ZNF444: variants seen among roughly 807,000 people sequenced by gnomAD.
ZNF444 encodes endothelial zinc finger protein 2.
ZNF444 carries 8 observed loss-of-function variants against 14.4 expected under a neutral mutation model. The observed-to-expected ratio is 0.56, with a 90% confidence interval of 0.33 to 1.00. The LOEUF is 1.00. Ranked by LOEUF, ZNF444 falls within the 50% of genes least tolerant of loss-of-function variation. The pLI, the probability that ZNF444 is intolerant of heterozygous loss-of-function variation, is 0.03. For missense variants in ZNF444, 510 were observed against 504.8 expected (o/e 1.01, Z -0.10); for synonymous variants, 258 against 235.9 (o/e 1.09, Z -0.86).
upstream of ZNF444, among the ~76,000 whole-genome samples, chr19:56,140,110 T>C (rs1451804669): frequency 6.6e-6 from 1 of 152,130 alleles, no homozygotes; most frequent in African/African-American, 2.4e-5. Context: ...CTGGGGAAAG[T>C]TGTTCATTTA....
rs200325891 is a variant in ZNF444 at position 56,157,410 on chromosome 19, CTT to C, written c.298-1075_298-1074del. The C allele has an allele frequency of 6.4e-3, 953 of 148,016 alleles. 11 individuals carry two copies. The highest frequency in any genetic ancestry group is 0.022 in the African/African-American group (899 of 40,532). 9.2% of individuals were successfully genotyped at this position (148,016 alleles called of 1,614,324 possible). On this transcript the variant is annotated intron_variant, in intron 3 of 4. Transcript: ENST00000337080. ...CAGGTGGTTTGCCCCTGCCGCTTTG[CTT>C]TTTTTTTTGGAGACAGAGTCTCACT...
chr19:56,148,493 G>A (rs1464673971), intron 3 of ZNF444, among the ~76,000 whole-genome samples: 1 of 152,156 alleles, frequency 6.6e-6, no homozygotes, highest in African/African-American at 2.4e-5. Context: ...CAGCCGGGCG[G>A]CCTTCCTTCC....
rs201084052 is a variant in ZNF444, at chr19:56,158,485, T to C, written c.298-9T>C. 3.4e-3 allele frequency: 5,449 copies of C among 1,599,188 alleles called. 10 individuals carry two copies. The highest frequency in any genetic ancestry group is 4.2e-3 in the Non-Finnish European group (4,878 of 1,174,100). On this transcript the variant is annotated splice_polypyrimidine_tract_variant and intron_variant, in intron 3 of 4. Coordinates refer to ENST00000337080, the MANE Select transcript of ZNF444 (RefSeq NM_018337.4). Reference sequence around the variant, plus strand: ...GGTTTCTGAGTTCAAAACTGTGCTCTCATTTCAGGGGCCAGCAGCCTCCCC... The same window carrying C: ...GGTTTCTGAGTTCAAAACTGTGCTCCCATTTCAGGGGCCAGCAGCCTCCCC...
intron 3 of ZNF444, among the ~76,000 whole-genome samples, chr19:56,153,404 G>A (rs1371539548): frequency 2.0e-5 from 3 of 152,214 alleles, no homozygotes; most frequent in Non-Finnish European, 4.4e-5. Context: ...TGGGCACATA[G>A]TAGGTGCTAC....
At chr19:56,133,771 C>T (rs1199263343) in intron 1 of ZNF444, among the ~76,000 whole-genome samples, 2 of 145,582 alleles carry the variant, frequency 1.4e-5, no homozygotes, top group Non-Finnish European at 3.0e-5. Flanking sequence ...CAAGATCGCG[C>T]CACTGCACTC....
At position 56,147,313 on chromosome 19, in the gene ZNF444, G is replaced by A. The variant is rs1256582529; in HGVS notation, c.297+105G>A. On this transcript the variant is annotated intron_variant, in intron 3 of 4. Transcript: ENST00000337080. This position sits in a 1 kb window ranked among gnomAD's most constrained non-coding sequence, Gnocchi z 5.9. ...CCACTGAACCCCTGAAAACCAGTGTGACTCGCGGTGGGGAGGCTGCGGTAC... is the reference window on the plus strand; with the variant it reads ...CCACTGAACCCCTGAAAACCAGTGTAACTCGCGGTGGGGAGGCTGCGGTAC... 1 of 1,289,146 alleles carries A rather than the reference G, an allele frequency of 7.8e-7. No individual in the cohort carries two copies. Among genetic ancestry groups the A allele is most frequent in the Non-Finnish European group, 1.0e-6 (1 of 994,972 alleles). 79.9% of individuals were successfully genotyped at this position (1,289,146 alleles called of 1,614,324 possible).
intron 3 of ZNF444, among the ~76,000 whole-genome samples, chr19:56,153,567 G>T (rs1253783707): frequency 6.6e-6 from 1 of 152,234 alleles, no homozygotes; most frequent in African/African-American, 2.4e-5. Context: ...CCTCACTTCT[G>T]TGGAGAGAGA....
chr19:56,136,392 T>C (rs1228716056), upstream of ZNF444, among the ~76,000 whole-genome samples: 5 of 152,136 alleles, frequency 3.3e-5, no homozygotes, highest in South Asian at 1.0e-3. Flanking sequence ...AGGTGTCCAG[T>C]TTGTATGAAG....
chr19:56,146,870 C>T lies in ZNF444; in HGVS notation c.-22-20C>T. 1 of 1,354,690 alleles carries T rather than the reference C, an allele frequency of 7.4e-7. No individual in the cohort carries two copies. Among genetic ancestry groups the T allele is most frequent in the Non-Finnish European group, 9.5e-7 (1 of 1,057,848 alleles). The allele number at this position is 1,354,690 out of a possible 1,614,324, so 83.9% of individuals were successfully genotyped here. A position where few individuals can be genotyped will look rare whatever the true frequency, so the allele number is the denominator to read the frequency against. ...GCAGGGTCTCGGCGGGCAGGGGTCT[C>T]ACCGGCTTGTTCCCTGCAGGCGCTG... On this transcript the variant is annotated intron_variant, in intron 2 of 4. Coordinates refer to ENST00000337080, the MANE Select transcript of ZNF444 (RefSeq NM_018337.4).
rs1012525588 is a variant in ZNF444, at chr19:56,135,953, G to A, written c.-197+3175G>A. ...AAATATTAGCCGGGTGTGGTGGTGC[G>A]TGCCTGTAATCCCAGCCACTTGGGA... On this transcript the variant is annotated intron_variant, in intron 1 of 2. Coordinates refer to the ZNF444 transcript ENST00000587467. Among the ~76,000 whole-genome samples the A allele has an allele frequency of 2.6e-5, 4 of 151,496 alleles. No individual in the cohort carries two copies. In the South Asian group the frequency reaches 6.3e-4, roughly 24 times the overall value.
chr19:56,142,985 T>C (rs2030927604), intron 1 of ZNF444, among the ~76,000 whole-genome samples: 1 of 152,064 alleles, frequency 6.6e-6, no homozygotes, highest in African/African-American at 2.4e-5. Context: ...ACAGGTCTGT[T>C]GGGAAGGTTG....
rs2031285041 is a variant in ZNF444 at position 56,147,640 on chromosome 19, C to T, written c.297+432C>T. On this transcript the variant is annotated intron_variant, in intron 3 of 4. Transcript: ENST00000337080. The surrounding 1 kb of genome is among the most constrained non-coding windows in gnomAD (Gnocchi z 5.9). ...GTGTCCTGGGTTCTTACTGGGGACT[C>T]CTCCCCGTTCTGTGTGGCTGACCTC... is the stretch of plus-strand genomic sequence containing the variant. Among the ~76,000 whole-genome samples the T allele has an allele frequency of 2.0e-5, 3 of 152,126 alleles. No homozygotes were observed. The highest frequency in any genetic ancestry group is 4.4e-5 in the Non-Finnish European group (3 of 68,008).
chr19:56,147,487 G>T lies in ZNF444; in HGVS notation c.297+279G>T, dbSNP rs2031271041. Among the ~76,000 whole-genome samples, 2 of 152,170 alleles carry T rather than the reference G, an allele frequency of 1.3e-5. No homozygotes were observed. Among genetic ancestry groups the T allele is most frequent in the African/African-American group, 4.8e-5 (2 of 41,418 alleles). On this transcript the variant is annotated intron_variant, in intron 3 of 4. Coordinates refer to ENST00000337080, the MANE Select transcript of ZNF444 (RefSeq NM_018337.4). The surrounding 1 kb of genome is among the most constrained non-coding windows in gnomAD (Gnocchi z 5.9). ...TTCACGGTCACGGCTTATCAGAGAA[G>T]GACGTGCTGGAAGCAGCTGGGAAGA...
chr19:56,158,501 C>T lies in ZNF444; in HGVS notation c.305C>T (p.Ala102Val). The T allele has an allele frequency of 6.2e-7, 1 of 1,606,834 alleles. No homozygotes were observed. Among genetic ancestry groups the T allele is most frequent in the Non-Finnish European group, 8.5e-7 (1 of 1,176,864 alleles). The change falls in exon 4 of 5, where the codon GCA becomes GTA. Residue 102 changes from alanine to valine, a missense_variant. By Grantham distance (64) the Ala-to-Val change is moderately conservative (BLOSUM62 0). Transcript: ENST00000337080. The stretch of plus-strand genomic sequence containing the variant: ...ACTGTGCTCTCATTTCAGGGGCCAG[C>T]AGCCTCCCCCGATGGGTCGTCAGCA... ...VALLEELWGPAASPDGSSATR... is the reference protein window; with the variant it reads ...VALLEELWGPVASPDGSSATR...
chr19:56,150,703 T>C (rs1161327401), intron 3 of ZNF444, among the ~76,000 whole-genome samples: 8 of 152,220 alleles, frequency 5.3e-5, no homozygotes, highest in Non-Finnish European at 1.2e-4. Flanking sequence ...CGATAGCCAT[T>C]GTAGCTGACG....
rs2123572644 is a variant in ZNF444 at position 56,159,696 on chromosome 19, C to G, written c.479C>G (p.Pro160Arg). Residue 160 changes from proline to arginine, a missense_variant, in exon 5 of 5, where the codon CCC (proline) becomes CGC (arginine). Transcript: ENST00000337080. ...SQAVRPYKQE[P>R]SSPPLAPGLP... ...GCTGTGCGCCCCTACAAGCAGGAGC[C>G]CAGCAGCCCCCCGCTGGCGCCTGGC... 6.5e-7 allele frequency: 1 copy of G among 1,542,850 alleles called. No homozygotes were observed. Among genetic ancestry groups the G allele is most frequent in the Non-Finnish European group, 8.7e-7 (1 of 1,148,770 alleles).
At chr19:56,132,701 G>C (rs954544719) in exon 1 of ZNF444, 3 of 152,104 alleles carry the variant, frequency 2.0e-5, no homozygotes, top group Non-Finnish European at 4.4e-5. Context: ...CTGAGAAGCC[G>C]CGTTCATTCC....
chr19:56,139,903 C>T (rs145920514), upstream of ZNF444, among the ~76,000 whole-genome samples: 228 of 151,936 alleles, frequency 1.5e-3, 1 homozygote, highest in African/African-American at 5.3e-3. Flanking sequence ...TTAAGAAATC[C>T]AAGAGGAGAT....
chr19:56,139,037 G>A (rs566365798), upstream of ZNF444, among the ~76,000 whole-genome samples: 91 of 151,938 alleles, frequency 6.0e-4, no homozygotes, highest in Non-Finnish European at 9.6e-4. Flanking sequence ...CTTCTGATCC[G>A]CACGCCTCGG....
Sources: allele counts gnomAD v4.1 joint callset (sites outside exome capture counted in the v4.1 genomes callset), GRCh38; gene constraint gnomAD v4.1.1; non-coding constraint Gnocchi (gnomAD v3.1); transcripts MANE v1.5; gene names NCBI Gene and HGNC (gene_info 2026-07-23, HGNC 2026-07-21).